Variants in HNRNPUL1 observed in about 807,000 individuals in gnomAD.
HNRNPUL1 encodes heterogeneous nuclear ribonucleoprotein U like 1.
A neutral mutation model predicts 108.5 loss-of-function variants in HNRNPUL1; 14 were observed. The observed-to-expected ratio is 0.13, with a 90% CI of 0.09 to 0.20. HNRNPUL1 has a LOEUF of 0.20. Ranked by LOEUF, HNRNPUL1 falls within the 10% of genes least tolerant of loss-of-function variation. The probability of loss-of-function intolerance (pLI) is 1.00; values close to 1 mark genes in which losing one functional copy is unlikely to be tolerated. For missense variants in HNRNPUL1, 804 were observed against 1,168.3 expected (o/e 0.69, Z 4.55); for synonymous variants, 422 against 445.2 (o/e 0.95, Z 0.66).
chr19:41,269,308 A>C (rs1047083970), intron 2 of HNRNPUL1, among the ~76,000 whole-genome samples: 3 of 151,834 alleles, frequency 2.0e-5, no homozygotes, highest in African/African-American at 7.3e-5. Context: ...TCTACAAAAA[A>C]TTTAAAAATT....
chr19:41,282,043 T>C (rs1358308622), intron 7 of HNRNPUL1, among the ~76,000 whole-genome samples: 1 of 152,236 alleles, frequency 6.6e-6, no homozygotes, highest in African/African-American at 2.4e-5. Flanking sequence ...CTGTTAACAT[T>C]AGGAGTTATA....
intron 10 of HNRNPUL1, among the ~76,000 whole-genome samples, chr19:41,300,417 A>G (rs940916033): frequency 6.6e-6 from 1 of 152,084 alleles, no homozygotes; most frequent in Non-Finnish European, 1.5e-5. Flanking sequence ...CCACTAAAAA[A>G]TTGTTTAAAT....
chr19:41,264,482 G>A lies in HNRNPUL1; in HGVS notation c.-22G>A. 2.2e-6 allele frequency: 3 copies of A among 1,347,546 alleles called. No homozygotes were observed. Among genetic ancestry groups the A allele is most frequent in the Non-Finnish European group, 2.9e-6 (3 of 1,048,886 alleles). The allele number at this position is 1,347,546 out of a possible 1,614,324, so 83.5% of individuals were successfully genotyped here. A position where few individuals can be genotyped will look rare whatever the true frequency, so the allele number is the denominator to read the frequency against. ...CCTGGGAGGCCGGGCCGGGCTCGGG[G>A]GCCACCCCGGGGGCCCGGGCCATGG... is the stretch of plus-strand genomic sequence containing the variant. On this transcript the variant is annotated 5_prime_UTR_variant, in exon 1 of 15. Coordinates refer to ENST00000392006, the MANE Select transcript of HNRNPUL1 (RefSeq NM_007040.6).
rs1366635028 is a variant in HNRNPUL1, at chr19:41,266,432, T to A, written c.295+1634T>A. 2.6e-5 allele frequency among the ~76,000 whole-genome samples: 4 copies of A among 151,978 alleles called. No homozygotes were observed. In the East Asian group the frequency reaches 5.8e-4, roughly 22 times the overall value. On this transcript the variant is annotated intron_variant, in intron 1 of 14. Coordinates refer to ENST00000392006, the MANE Select transcript of HNRNPUL1 (RefSeq NM_007040.6). ...TGGGCAACAAAAGTGAAACTCCGTC[T>A]CAAAAAAGAAAAAAGCAGCTTTCTT...
intron 6 of HNRNPUL1, among the ~76,000 whole-genome samples, chr19:41,279,751 T>C (rs1038192953): frequency 6.6e-6 from 1 of 152,158 alleles, no homozygotes; most frequent in African/African-American, 2.4e-5. Context: ...ATTATGAAAA[T>C]AATATGTGTT....
Position 41,292,959 on chromosome 19 carries a change from C to T in HNRNPUL1, c.1266+448C>T, listed in dbSNP as rs564045116. ...TTCCAGGCTCAAGTGATCCTCCCAC[C>T]TCAGCTTCTCGAGTAGCTGGGACCA... is the stretch of plus-strand genomic sequence containing the variant. On this transcript the variant is annotated intron_variant, in intron 8 of 14. Coordinates refer to ENST00000392006, the MANE Select transcript of HNRNPUL1 (RefSeq NM_007040.6). This position sits in a 1 kb window ranked among gnomAD's most constrained non-coding sequence, Gnocchi z 4.1. Among the ~76,000 whole-genome samples, 4 of 152,152 alleles carry T rather than the reference C, an allele frequency of 2.6e-5. No individual in the cohort carries two copies. The highest frequency in any genetic ancestry group is 7.2e-5 in the African/African-American group (3 of 41,518).
intron 3 of HNRNPUL1, among the ~76,000 whole-genome samples, chr19:41,273,483 T>G (rs1027656551): frequency 6.6e-6 from 1 of 152,232 alleles, no homozygotes; most frequent in Non-Finnish European, 1.5e-5. Flanking sequence ...GTTTATAATT[T>G]AGGACACTGA....
intron 1 of HNRNPUL1, among the ~76,000 whole-genome samples, chr19:41,266,648 G>C (rs2034866896): frequency 6.6e-6 from 1 of 152,152 alleles, no homozygotes; most frequent in African/African-American, 2.4e-5. Flanking sequence ...TAAGGAGTAA[G>C]TAGAAGGGAT....
Position 41,276,313 on chromosome 19 carries a change from G to C in HNRNPUL1, c.786+15G>C. The C allele has an allele frequency of 6.3e-7, 1 of 1,596,358 alleles. No homozygotes were observed. The highest frequency in any genetic ancestry group is 8.6e-7 in the Non-Finnish European group (1 of 1,168,582). ...TCGAGATGAAGGTGAGTAGGAGCAAGAGAAGGGGAAGGGACAGAGAAGTCC... is the reference window on the plus strand; with the variant it reads ...TCGAGATGAAGGTGAGTAGGAGCAACAGAAGGGGAAGGGACAGAGAAGTCC... On this transcript the variant is annotated intron_variant, in intron 5 of 14. Transcript: ENST00000392006.
At chr19:41,303,122 C>T (rs1477562316) in intron 12 of HNRNPUL1, among the ~76,000 whole-genome samples, 173 bp downstream of exon 12, 1 of 152,178 alleles carries the variant, frequency 6.6e-6, no homozygotes, top group Non-Finnish European at 1.5e-5. Context: ...TCCCACTTTC[C>T]CACTCCCTGG....
At chr19:41,266,705 G>A (rs1169995435) in intron 1 of HNRNPUL1, among the ~76,000 whole-genome samples, 4 of 152,172 alleles carry the variant, frequency 2.6e-5, no homozygotes, top group Admixed American at 1.3e-4. Context: ...GGGCACCCTG[G>A]GACTTGGGGC....
chr19:41,281,012 C>T (rs1018255060), intron 6 of HNRNPUL1, 151 bp from the exon 7 acceptor site: 1 of 590,894 alleles, frequency 1.7e-6, no homozygotes, highest in Non-Finnish European at 3.0e-6. Flanking sequence ...CTTCCTTTCA[C>T]CCTTCCCCAC....
upstream of HNRNPUL1, among the ~76,000 whole-genome samples, chr19:41,264,123 CGA>C (rs918818009): frequency 5.6e-4 from 85 of 152,330 alleles, no homozygotes; most frequent in African/African-American, 1.8e-3. Context: ...AGCCGGCGCG[CGA>C]GAGTTACCCA....
Position 41,294,693 on chromosome 19 carries a change from A to G in HNRNPUL1, c.1518+7A>G. On this transcript the variant is annotated splice_region_variant and intron_variant, in intron 10 of 14. Coordinates refer to ENST00000392006, the MANE Select transcript of HNRNPUL1 (RefSeq NM_007040.6). The surrounding 1 kb of genome is among the most constrained non-coding windows in gnomAD (Gnocchi z 4.3). ...CAACTATATCCTAGATCAGGTACTT[A>G]ATGATGACCATTGTGTCCTCAGGAG... 1 of 1,614,046 alleles carries G rather than the reference A, an allele frequency of 6.2e-7. No homozygotes were observed. The highest frequency in any genetic ancestry group is 8.5e-7 in the Non-Finnish European group (1 of 1,179,996).
intron 1 of HNRNPUL1, chr19:41,265,254 A>C: frequency 7.1e-7 from 1 of 1,401,324 alleles, no homozygotes; most frequent in Admixed American, 2.2e-5. Flanking sequence ...TGGGGAAGGA[A>C]TGTCCAGGTG....
chr19:41,302,588 C>G (rs971707421), intron 11 of HNRNPUL1, 77 bp from the exon 12 acceptor site: 1 of 1,566,476 alleles, frequency 6.4e-7, no homozygotes, highest in Non-Finnish European at 8.8e-7. Flanking sequence ...GGCCACTCTT[C>G]TGGGTGGAGG....
intron 2 of HNRNPUL1, among the ~76,000 whole-genome samples, chr19:41,271,764 A>G (rs2035254600): frequency 1.3e-5 from 2 of 152,230 alleles, no homozygotes; most frequent in African/African-American, 2.4e-5. Flanking sequence ...GCAGGACCAC[A>G]GTACCCTGTT....
chr19:41,304,081 ACAGCCGCCACCACAG>A lies in HNRNPUL1; in HGVS notation c.2088_2102del (p.Gln699_Pro703del). On this transcript the variant is annotated inframe_deletion, in exon 13 of 15. Coordinates refer to ENST00000392006, the MANE Select transcript of HNRNPUL1 (RefSeq NM_007040.6). ...GCAGCTACAACCGGGCTCCCCAGCA[ACAGCCGCCACCACAG>A]CAGCCTCCGCCACCACAGCCACCAC... 1 of 1,613,358 alleles carries A rather than the reference ACAGCCGCCACCACAG, an allele frequency of 6.2e-7. No individual in the cohort carries two copies. Among genetic ancestry groups the A allele is most frequent in the Non-Finnish European group, 8.5e-7 (1 of 1,179,396 alleles).
chr19:41,280,075 A>G (rs1206440407), intron 6 of HNRNPUL1, among the ~76,000 whole-genome samples: 2 of 152,228 alleles, frequency 1.3e-5, no homozygotes, highest in Non-Finnish European at 2.9e-5. Context: ...CACTTGAGCC[A>G]TTATCCTGGT....
Sources: allele counts gnomAD v4.1 joint callset (sites outside exome capture counted in the v4.1 genomes callset), GRCh38; gene constraint gnomAD v4.1.1; non-coding constraint Gnocchi (gnomAD v3.1); transcripts MANE v1.5; gene names NCBI Gene and HGNC (gene_info 2026-07-23, HGNC 2026-07-21).